Variants in CDH12 observed in about 807,000 individuals in gnomAD.
The protein encoded by CDH12 is cadherin 12, also known as cadherin-12.
In CDH12, 41 loss-of-function variants were observed where a neutral mutation model predicts 74.1. The ratio of observed to expected loss-of-function variants is 0.55; its 90% confidence interval spans 0.43 to 0.72. The LOEUF is 0.72. Among genes scored for constraint, CDH12 ranks in the 30% least tolerant of loss-of-function variants. The probability of loss-of-function intolerance (pLI) is 0.00; values close to 1 mark genes in which losing one functional copy is unlikely to be tolerated. For synonymous variants in CDH12, 399 were observed against 355.0 expected, an observed-to-expected ratio of 1.12 and a Z score of -1.39; for missense variants, 945 against 977.2, an observed-to-expected ratio of 0.97 and a Z score of 0.44.
chr5:22,199,526 G>A (rs1339390394), intron 4 of CDH12, among the ~76,000 whole-genome samples: 4 of 152,108 alleles, frequency 2.6e-5, no homozygotes, highest in East Asian at 1.9e-4. Context: ...TTCATTCCCC[G>A]CTGCTTACCT....
At position 22,138,671 on chromosome 5, in the gene CDH12, C is replaced by T. The variant is rs185477442; in HGVS notation, c.-186-59809G>A. Among the ~76,000 whole-genome samples the T allele has an allele frequency of 3.9e-3, 586 of 150,104 alleles. 1 individual carries two copies. The highest frequency in any genetic ancestry group is 0.014 in the African/African-American group (556 of 41,148). ...AAATAAGATCAAATAGGTCTTGAGT[C>T]ATATCTGCAGGATCTTAATTTTAAC... On this transcript the variant is annotated intron_variant, in intron 4 of 14. Coordinates refer to ENST00000382254, the MANE Select transcript of CDH12 (RefSeq NM_004061.5).
chr5:21,891,482 T>A (rs1180624159), intron 6 of CDH12, among the ~76,000 whole-genome samples: 1 of 151,934 alleles, frequency 6.6e-6, no homozygotes, highest in Non-Finnish European at 1.5e-5. Flanking sequence ...ATTACACACA[T>A]CATGTGGCCT....
chr5:22,542,888 T>G (rs1395662027), intron 1 of CDH12, among the ~76,000 whole-genome samples: 1 of 152,152 alleles, frequency 6.6e-6, no homozygotes, highest in Non-Finnish European at 1.5e-5. Flanking sequence ...CACATTTAAA[T>G]AGGCAAATAG....
At chr5:22,214,292 G>A (rs1751710217) in intron 3 of CDH12, among the ~76,000 whole-genome samples, 1 of 152,026 alleles carries the variant, frequency 6.6e-6, no homozygotes, top group Admixed American at 6.6e-5. Flanking sequence ...TCAGCTGGTG[G>A]AGGGTGACAG....
intron 1 of CDH12, among the ~76,000 whole-genome samples, chr5:22,779,578 G>A (rs915163032): frequency 6.6e-6 from 1 of 152,070 alleles, no homozygotes; most frequent in Admixed American, 6.6e-5. Context: ...TCCCCACATC[G>A]AGGGAGGGAC....
At chr5:22,595,465 T>C (rs1355958592) in intron 1 of CDH12, among the ~76,000 whole-genome samples, 2 of 152,208 alleles carry the variant, frequency 1.3e-5, no homozygotes, top group African/African-American at 2.4e-5. Context: ...ATTATAGTAA[T>C]GTTTACATTT....
At chr5:22,547,082 A>G (rs1738365551) in intron 1 of CDH12, among the ~76,000 whole-genome samples, 1 of 152,212 alleles carries the variant, frequency 6.6e-6, no homozygotes. Flanking sequence ...GCTGTTTTAT[A>G]GACCATATGC....
At chr5:22,108,349 A>G (rs892428170) in intron 4 of CDH12, among the ~76,000 whole-genome samples, 3 of 152,202 alleles carry the variant, frequency 2.0e-5, no homozygotes, top group Non-Finnish European at 4.4e-5. Flanking sequence ...TCTTTCCTTT[A>G]TAAATTACCC....
intron 1 of CDH12, among the ~76,000 whole-genome samples, chr5:22,564,952 T>C (rs1172688280): frequency 6.6e-6 from 1 of 152,170 alleles, no homozygotes; most frequent in Non-Finnish European, 1.5e-5. Context: ...TGTTTGTTTG[T>C]TTTTTGAGAC....
rs763622633 is a variant in CDH12, at chr5:22,283,177, CAAAT to C, written c.-332-70538_-332-70535del. 1.7e-3 allele frequency among the ~76,000 whole-genome samples: 232 copies of C among 139,824 alleles called. 1 individual carries two copies. Among genetic ancestry groups the C allele is most frequent in the Middle Eastern group, 4.0e-3 (1 of 248 alleles). 91.7% of individuals were successfully genotyped at this position (139,824 alleles called of 152,430 possible). On this transcript the variant is annotated intron_variant, in intron 3 of 14. Transcript: ENST00000382254. ...ATAATGTAACATGGAAAATGAAAAACAAATAATTCCTGGAGGAACATCTGTGAGA... is the reference window on the plus strand; with the variant it reads ...ATAATGTAACATGGAAAATGAAAAACAATTCCTGGAGGAACATCTGTGAGA...
chr5:21,884,947 G>A (rs765037474), intron 6 of CDH12, among the ~76,000 whole-genome samples: 16 of 152,034 alleles, frequency 1.1e-4, no homozygotes, highest in South Asian at 4.1e-4. Flanking sequence ...GTGCAATGGC[G>A]TGATCTTGGC....
chr5:21,842,100 A>G, intron 8 of CDH12, 61 bp downstream of exon 8: 1 of 1,302,106 alleles, frequency 7.7e-7, no homozygotes, highest in Non-Finnish European at 1.1e-6. Context: ...ATAGCATTCA[A>G]TGACACCATT....
intron 2 of CDH12, among the ~76,000 whole-genome samples, chr5:22,406,351 T>C (rs1473942442): frequency 1.3e-5 from 2 of 152,130 alleles, no homozygotes; most frequent in East Asian, 3.9e-4. Flanking sequence ...CTGTAATCTC[T>C]TCACTACCCT....
At chr5:22,533,489 C>G (rs1393924086) in intron 1 of CDH12, among the ~76,000 whole-genome samples, 1 of 152,102 alleles carries the variant, frequency 6.6e-6, no homozygotes, top group Non-Finnish European at 1.5e-5. Flanking sequence ...GCTACTTGAC[C>G]TTGAATAAGT....
chr5:22,257,684 A>C (rs762771750), intron 3 of CDH12, among the ~76,000 whole-genome samples: 4 of 151,832 alleles, frequency 2.6e-5, no homozygotes, highest in Non-Finnish European at 5.9e-5. Context: ...TATTTTTAGT[A>C]GAGATGGGGT....
chr5:22,205,076 A>G (rs1751146791), intron 4 of CDH12, among the ~76,000 whole-genome samples: 1 of 152,370 alleles, frequency 6.6e-6, no homozygotes, highest in African/African-American at 2.4e-5. Flanking sequence ...AATTCAATGG[A>G]CAAATGTCAA....
rs1296599309 is a variant in CDH12 at position 22,687,474 on chromosome 5, C to T, written c.-523+165584G>A. ...CCAGACTGCAATGCAGTGGCATGAT[C>T]TCGTTTCACAGCAACCTTAGCTTCC... is the stretch of plus-strand genomic sequence containing the variant. On this transcript the variant is annotated intron_variant, in intron 1 of 14. Coordinates refer to ENST00000382254, the MANE Select transcript of CDH12 (RefSeq NM_004061.5). Among the ~76,000 whole-genome samples the T allele has an allele frequency of 2.0e-5, 3 of 152,220 alleles. 1 individual carries two copies. The highest frequency in any genetic ancestry group is 4.2e-4 in the South Asian group (2 of 4,814).
chr5:22,599,881 A>G (rs1409030231), intron 1 of CDH12, among the ~76,000 whole-genome samples: 1 of 152,190 alleles, frequency 6.6e-6, no homozygotes, highest in African/African-American at 2.4e-5. Context: ...CTTTGCTCAA[A>G]GAAGAACACT....
chr5:22,456,730 CA>C (rs1437036790), intron 2 of CDH12, among the ~76,000 whole-genome samples: 7 of 152,196 alleles, frequency 4.6e-5, no homozygotes, highest in South Asian at 4.1e-4. Context: ...ATGCAAGTTT[CA>C]GTTTTGACAT....
Sources: gnomAD v4.1 joint callset for allele counts (sites outside exome capture counted in the v4.1 genomes callset) on GRCh38, gnomAD v4.1.1 for gene constraint, MANE v1.5 for transcripts, NCBI Gene and HGNC (gene_info 2026-07-23, HGNC 2026-07-21) for gene names.